The following DAAM1 variants were observed in gnomAD, a reference collection of about 807,000 sequenced individuals.
DAAM1 encodes dishevelled associated activator of morphogenesis 1, also known as disheveled-associated activator of morphogenesis 1.
In DAAM1, 52 loss-of-function variants were observed where a neutral mutation model predicts 130.0. The ratio of observed to expected loss-of-function variants is 0.40; its 90% CI spans 0.32 to 0.50. The LOEUF is 0.50. Ranked by LOEUF, DAAM1 falls within the 20% of genes least tolerant of loss-of-function variation. The pLI is 0.61. For synonymous variants in DAAM1, 452 were observed against 444.5 expected (o/e 1.02, Z -0.21); for missense variants, 1,134 against 1,303.8 (o/e 0.87, Z 2.01).
At chr14:59,194,221 A>C (rs1887819447) in intron 1 of DAAM1, among the ~76,000 whole-genome samples, 1 of 152,186 alleles carries the variant, frequency 6.6e-6, no homozygotes, top group Non-Finnish European at 1.5e-5. Flanking sequence ...GAGTCTCTTA[A>C]TTCTCAGACA....
At chr14:59,307,519 A>G (rs775509159) in intron 3 of DAAM1, among the ~76,000 whole-genome samples, 1 of 152,240 alleles carries the variant, frequency 6.6e-6, no homozygotes, top group Non-Finnish European at 1.5e-5. Flanking sequence ...GAGGGAGCTA[A>G]CTGATTCTAC....
chr14:59,211,632 G>A (rs1052641786), intron 1 of DAAM1, among the ~76,000 whole-genome samples: 1 of 152,196 alleles, frequency 6.6e-6, no homozygotes, highest in African/African-American at 2.4e-5. Context: ...ACAATTGACC[G>A]AAGGAACAGA....
chr14:59,272,770 A>G (rs1273558583), intron 2 of DAAM1, among the ~76,000 whole-genome samples: 1 of 152,168 alleles, frequency 6.6e-6, no homozygotes, highest in African/African-American at 2.4e-5. Context: ...GAAGATATGC[A>G]ATATATCACA....
At chr14:59,223,538 A>G (rs573274730) in intron 1 of DAAM1, among the ~76,000 whole-genome samples, 22 of 152,250 alleles carry the variant, frequency 1.4e-4, no homozygotes, top group African/African-American at 2.2e-4. Flanking sequence ...ACTTCAGGCA[A>G]TGTTGGAATC....
At chr14:59,209,934 T>C (rs983724117) in intron 1 of DAAM1, among the ~76,000 whole-genome samples, 1 of 151,062 alleles carries the variant, frequency 6.6e-6, no homozygotes, top group Non-Finnish European at 1.5e-5. Context: ...CTGGGCAACA[T>C]AGGGAGACCC....
At chr14:59,255,783 G>T (rs566018652) in intron 1 of DAAM1, among the ~76,000 whole-genome samples, 13 of 152,270 alleles carry the variant, frequency 8.5e-5, no homozygotes, top group Admixed American at 2.0e-4. Flanking sequence ...CCAGAACAAT[G>T]ACTATATTTT....
chr14:59,190,730 G>C (rs1353252910), intron 1 of DAAM1, among the ~76,000 whole-genome samples: 1 of 152,182 alleles, frequency 6.6e-6, no homozygotes, highest in Non-Finnish European at 1.5e-5. Context: ...TGTGAGGAAA[G>C]GGTAGAGAGG....
intron 12 of DAAM1, among the ~76,000 whole-genome samples, chr14:59,327,533 G>A (rs971145451): frequency 4.0e-5 from 6 of 148,172 alleles, no homozygotes; most frequent in East Asian, 4.1e-4. Flanking sequence ...TCAGCCTCCC[G>A]AGTAGCTGGG....
intron 5 of DAAM1, among the ~76,000 whole-genome samples, chr14:59,320,796 CTT>C (rs1884977214): frequency 6.6e-6 from 1 of 151,974 alleles, no homozygotes; most frequent in African/African-American, 2.4e-5. Flanking sequence ...CAGAGAGAGA[CTT>C]TAACAATGGT....
At chr14:59,253,406 T>G (rs1269616563) in intron 1 of DAAM1, among the ~76,000 whole-genome samples, 2 of 152,250 alleles carry the variant, frequency 1.3e-5, no homozygotes, top group Non-Finnish European at 1.5e-5. Flanking sequence ...ACCAAGAATC[T>G]TTGTTCTTTG....
At chr14:59,364,069 C>A (rs1466135401) in intron 23 of DAAM1, among the ~76,000 whole-genome samples, 6 of 152,174 alleles carry the variant, frequency 3.9e-5, no homozygotes, top group Non-Finnish European at 5.9e-5. Flanking sequence ...ATAAGACCAG[C>A]AAATACTTTG....
intron 1 of DAAM1, among the ~76,000 whole-genome samples, chr14:59,226,557 G>A (rs1197462231): frequency 6.6e-6 from 1 of 152,152 alleles, no homozygotes; most frequent in Non-Finnish European, 1.5e-5. Flanking sequence ...GGCCTGACAT[G>A]ATACCAAGAG....
intron 1 of DAAM1, among the ~76,000 whole-genome samples, chr14:59,198,919 G>A (rs1340403662): frequency 6.6e-6 from 1 of 152,196 alleles, no homozygotes; most frequent in Non-Finnish European, 1.5e-5. Flanking sequence ...CATAGAATAA[G>A]CTATCTTCTG....
chr14:59,340,376 C>T (rs1254293869), intron 16 of DAAM1, among the ~76,000 whole-genome samples, 196 bp downstream of exon 16: 1 of 152,184 alleles, frequency 6.6e-6, no homozygotes, highest in East Asian at 1.9e-4. Context: ...TGCCTTCTTT[C>T]TCAAAGTTTA....
At chr14:59,301,747 C>A (rs1178140271) in intron 3 of DAAM1, among the ~76,000 whole-genome samples, 1 of 152,186 alleles carries the variant, frequency 6.6e-6, no homozygotes, top group Non-Finnish European at 1.5e-5. Context: ...TCCTCTTCCT[C>A]GATTCCTTTG....
intron 4 of DAAM1, among the ~76,000 whole-genome samples, chr14:59,315,944 A>G (rs1390498717): frequency 6.6e-6 from 1 of 152,228 alleles, no homozygotes; most frequent in Non-Finnish European, 1.5e-5. Context: ...ATTGCTTAAT[A>G]TGTATTCTCA....
At position 59,352,534 on chromosome 14, in the gene DAAM1, A is replaced by G. The variant is rs1310079977; in HGVS notation, c.2169A>G (p.Lys723=). The change falls in exon 18 of 25, where the codon AAA becomes AAG. Residue 723 remains lysine, a synonymous_variant. Transcript: ENST00000360909. The part of the protein sequence containing the change: ...LPKDMLEQLL[K]FVPEKSDIDL... ...TCGTGTGTACTTTTCAGCTCTTGAA[A>G]TTTGTTCCTGAAAAAAGTGACATTG... 2 of 1,612,878 alleles carry G rather than the reference A, an allele frequency of 1.2e-6. No individual in the cohort carries two copies. The highest frequency in any genetic ancestry group is 1.3e-5 in the African/African-American group (1 of 75,006).
At chr14:59,317,988 T>A (rs932991483) in intron 4 of DAAM1, among the ~76,000 whole-genome samples, 1 of 152,212 alleles carries the variant, frequency 6.6e-6, no homozygotes, top group African/African-American at 2.4e-5. Context: ...GGTGGAGAAC[T>A]GCAGCACTTA....
chr14:59,217,971 A>T lies in DAAM1; in HGVS notation c.-38+29203A>T, dbSNP rs74990197. 3.2e-3 allele frequency among the ~76,000 whole-genome samples: 443 copies of T among 139,364 alleles called. 3 individuals are homozygous for T. Among genetic ancestry groups the T allele is most frequent in the Middle Eastern group, 0.011 (3 of 276 alleles). The allele number at this position is 139,364 out of a possible 152,430, so 91.4% of individuals were successfully genotyped here. A position where few individuals can be genotyped will look rare whatever the true frequency, so the allele number is the denominator to read the frequency against. On this transcript the variant is annotated intron_variant, in intron 1 of 24. Coordinates refer to ENST00000360909, the MANE Select transcript of DAAM1 (RefSeq NM_001270520.2). ...CTGGGCGACAGAGCGACTCTGTCTCAAAAAAAAAAAAAAGGATCAGGTATA... is the reference window on the plus strand; with the variant it reads ...CTGGGCGACAGAGCGACTCTGTCTCTAAAAAAAAAAAAAGGATCAGGTATA...
Sources: gnomAD v4.1 joint callset for allele counts (sites outside exome capture counted in the v4.1 genomes callset) on GRCh38, gnomAD v4.1.1 for gene constraint, MANE v1.5 for transcripts, NCBI Gene and HGNC (gene_info 2026-07-23, HGNC 2026-07-21) for gene names.